Variants in ZHX3 observed in about 807,000 individuals in gnomAD.
ZHX3 encodes zinc fingers and homeoboxes 3.
A neutral mutation model predicts 64.5 loss-of-function variants in ZHX3; 20 were observed. The ratio of observed to expected loss-of-function variants is 0.31; its 90% CI spans 0.22 to 0.45. The LOEUF is 0.45. ZHX3 is among the 20% of genes least tolerant of loss of function. The pLI, the probability that ZHX3 is intolerant of heterozygous loss-of-function variation, is 1.00. For synonymous variants in ZHX3, 423 were observed against 461.6 expected (o/e 0.92, Z 1.07); for missense variants, 1,041 against 1,195.8 (o/e 0.87, Z 1.91).
At chr20:41,272,839 G>A (rs993615064) in intron 1 of ZHX3, among the ~76,000 whole-genome samples, 3 of 152,144 alleles carry the variant, frequency 2.0e-5, no homozygotes, top group African/African-American at 7.2e-5. Context: ...CCATGAACAT[G>A]AGTGTACAAG....
rs767730141 is a variant in ZHX3 at position 41,204,382 on chromosome 20, T to C, written c.535A>G (p.Ile179Val). The C allele has an allele frequency of 9.3e-6, 15 of 1,614,064 alleles. No individual in the cohort carries two copies. The highest frequency in any genetic ancestry group is 1.3e-5 in the Non-Finnish European group (15 of 1,180,038). Residue 179 changes from isoleucine (I) to valine (V), a missense_variant, in exon 3 of 4, where the codon ATC (isoleucine) becomes GTC (valine). Transcript: ENST00000683867. This position sits in a 1 kb window ranked among gnomAD's most constrained non-coding sequence, Gnocchi z 6.6. ...SAEGADGQAE[I>V]IITKTPIMKI... ...ATGATTGGAGTTTTGGTAATGATGATTTCTGCCTGTCCATCAGCCCCTTCA... is the reference window on the plus strand; with the variant it reads ...ATGATTGGAGTTTTGGTAATGATGACTTCTGCCTGTCCATCAGCCCCTTCA...
At chr20:41,272,747 T>C (rs1023809378) in intron 1 of ZHX3, among the ~76,000 whole-genome samples, 2 of 152,216 alleles carry the variant, frequency 1.3e-5, no homozygotes, top group Non-Finnish European at 2.9e-5. Context: ...CCACTGTATA[T>C]AGATGCACAT....
At chr20:41,313,478 A>G (rs1179717669) in intron 1 of ZHX3, among the ~76,000 whole-genome samples, 2 of 152,224 alleles carry the variant, frequency 1.3e-5, no homozygotes, top group African/African-American at 4.8e-5. Context: ...CACGTTGATA[A>G]TTTAAAACTG....
At chr20:41,214,418 C>G (rs2039377040) in intron 2 of ZHX3, among the ~76,000 whole-genome samples, 1 of 152,182 alleles carries the variant, frequency 6.6e-6, no homozygotes, top group Non-Finnish European at 1.5e-5. Flanking sequence ...TGAATAAGAA[C>G]CCAAGCAGTC....
At chr20:41,225,634 C>A (rs1425353118) in intron 2 of ZHX3, among the ~76,000 whole-genome samples, 1 of 152,094 alleles carries the variant, frequency 6.6e-6, no homozygotes, top group East Asian at 1.9e-4. Context: ...ATTATAGGCA[C>A]CTACCACCAC....
At chr20:41,187,273 G>A (rs1459228449) in intron 3 of ZHX3, among the ~76,000 whole-genome samples, 2 of 137,280 alleles carry the variant, frequency 1.5e-5, no homozygotes, top group African/African-American at 5.5e-5. Context: ...TGAAACTGCA[G>A]TAGGTTTGAT....
At chr20:41,311,494 A>G (rs956405401) in intron 1 of ZHX3, among the ~76,000 whole-genome samples, 1 of 152,226 alleles carries the variant, frequency 6.6e-6, no homozygotes, top group Admixed American at 6.5e-5. Flanking sequence ...GGAGAATATA[A>G]CATCCTAACC....
At chr20:41,217,063 T>C (rs746930530) in intron 2 of ZHX3, among the ~76,000 whole-genome samples, 4 of 152,228 alleles carry the variant, frequency 2.6e-5, no homozygotes, top group Non-Finnish European at 5.9e-5. Flanking sequence ...TTACCTGTCA[T>C]AGATGAAACT....
intron 2 of ZHX3, among the ~76,000 whole-genome samples, chr20:41,247,646 G>A (rs539414350): frequency 1.3e-5 from 2 of 152,206 alleles, no homozygotes; most frequent in African/African-American, 4.8e-5. Context: ...TGCACCCTGA[G>A]TAAGGTTTTG....
intron 2 of ZHX3, among the ~76,000 whole-genome samples, chr20:41,230,328 C>A (rs183234250): frequency 6.6e-6 from 1 of 152,154 alleles, no homozygotes; most frequent in Non-Finnish European, 1.5e-5. Context: ...CAACAGCTAA[C>A]GTCATGGGAT....
At chr20:41,294,248 A>G (rs117400267) in intron 1 of ZHX3, among the ~76,000 whole-genome samples, 2 of 152,324 alleles carry the variant, frequency 1.3e-5, no homozygotes, top group East Asian at 3.9e-4. Context: ...TTAGCTGACA[A>G]CAAAATTTTT....
At chr20:41,189,730 GTGGAGCATTTT>G (rs1353731947) in intron 3 of ZHX3, among the ~76,000 whole-genome samples, 4 of 152,116 alleles carry the variant, frequency 2.6e-5, no homozygotes. Flanking sequence ...AAGAGTTTTG[GTGGAGCATTTT>G]TGGTTTTTCT....
rs1452314220 is a variant in ZHX3 at position 41,180,185 on chromosome 20, G to A, written c.*5006C>T. 1 of 152,730 alleles carries A rather than the reference G, an allele frequency of 6.5e-6. No individual in the cohort carries two copies. 9.5% of individuals were successfully genotyped at this position (152,730 alleles called of 1,614,324 possible). A position where few individuals can be genotyped will look rare whatever the true frequency, so the allele number is the denominator to read the frequency against. On this transcript the variant is annotated 3_prime_UTR_variant, in exon 4 of 4. Coordinates refer to ENST00000683867, the MANE Select transcript of ZHX3 (RefSeq NM_001384317.1). ...GAAGGTGCCTAGAGTCCCCACCAGA[G>A]CGGCTGCCTTCCTCCCTTCGCTCAG...
intron 2 of ZHX3, among the ~76,000 whole-genome samples, chr20:41,260,101 C>T (rs1445868431): frequency 6.6e-6 from 1 of 150,828 alleles, no homozygotes; most frequent in Non-Finnish European, 1.5e-5. Context: ...TGCTAATACT[C>T]ATTTCTAATA....
rs565931649 is a variant in ZHX3 at position 41,282,660 on chromosome 20, C to T, written c.-244-13577G>A. On this transcript the variant is annotated intron_variant, in intron 1 of 3. Transcript: ENST00000683867. ...GGCGTAAGCCACCGCACCCAGCCCA[C>T]GATTCATCTTTCGATGCCTCTAATG... Among the ~76,000 whole-genome samples the T allele has an allele frequency of 5.4e-4, 82 of 152,178 alleles. 2 individuals are homozygous for T. In the South Asian group the frequency reaches 0.012, roughly 22 times the overall value.
In ZHX3 at chr20:41,204,517, C is replaced by T. The variant is rs147244423; in HGVS notation, c.400G>A (p.Gly134Arg). The T allele has an allele frequency of 2.4e-5, 38 of 1,614,064 alleles. No individual in the cohort carries two copies. In the Middle Eastern group the frequency reaches 4.9e-4, roughly 21 times the overall value. The change falls in exon 3 of 4, where the codon GGG (glycine) becomes AGG (arginine). Residue 134 changes from glycine (G) to arginine (R), a missense_variant. Physicochemically the swap from Gly to Arg is moderately radical, Grantham distance 125. Coordinates refer to ENST00000683867, the MANE Select transcript of ZHX3 (RefSeq NM_001384317.1). The surrounding 1 kb of genome is among the most constrained non-coding windows in gnomAD (Gnocchi z 6.6). ...LSLHNATCHS[G>R]EASFVWNVAK... Reference sequence around the variant, plus strand: ...ACGTTCCACACAAAGCTGGCTTCCCCGGAGTGACATGTGGCATTGTGCAAG... The same window carrying T: ...ACGTTCCACACAAAGCTGGCTTCCCTGGAGTGACATGTGGCATTGTGCAAG...
intron 2 of ZHX3, among the ~76,000 whole-genome samples, chr20:41,247,559 C>G (rs1171632249): frequency 6.6e-6 from 1 of 152,116 alleles, no homozygotes; most frequent in African/African-American, 2.4e-5. Flanking sequence ...TGTTAAGTGT[C>G]TTTAACAGGA....
At chr20:41,305,828 C>T (rs970532161) in intron 1 of ZHX3, among the ~76,000 whole-genome samples, 2 of 151,990 alleles carry the variant, frequency 1.3e-5, no homozygotes, top group African/African-American at 2.4e-5. Flanking sequence ...CCCCAACCAA[C>T]GACCAAAAAG....
At chr20:41,259,790 G>A (rs371460409) in intron 2 of ZHX3, among the ~76,000 whole-genome samples, 11 of 152,050 alleles carry the variant, frequency 7.2e-5, no homozygotes, top group African/African-American at 2.4e-4. Flanking sequence ...TAGGATTATC[G>A]GGTGAATTTT....
Sources: allele counts gnomAD v4.1 joint callset (sites outside exome capture counted in the v4.1 genomes callset), GRCh38; gene constraint gnomAD v4.1.1; non-coding constraint Gnocchi (gnomAD v3.1); transcripts MANE v1.5; gene names NCBI Gene and HGNC (gene_info 2026-07-23, HGNC 2026-07-21).